Variants in GNG2 observed in about 807,000 individuals in gnomAD.
GNG2 encodes guanine nucleotide-binding protein G(I)/G(S)/G(O) subunit gamma-2.
GNG2 carries 5 observed loss-of-function variants against 5.5 expected under a neutral mutation model. The ratio of observed to expected loss-of-function variants is 0.91; its 90% CI spans 0.48 to 1.92. The LOEUF is 1.92. Among genes scored for constraint, GNG2 ranks in the 30% most tolerant of loss-of-function variants. The probability of loss-of-function intolerance (pLI) is 0.01; values close to 1 mark genes in which losing one functional copy is unlikely to be tolerated. For synonymous variants in GNG2, 28 were observed against 32.0 expected, an observed-to-expected ratio of 0.88 and a Z score of 0.42; for missense variants, 55 against 88.4, an observed-to-expected ratio of 0.62 and a Z score of 1.52.
chr14:51,895,005 A>G (rs753196135), intron 2 of GNG2, among the ~76,000 whole-genome samples: 5 of 151,426 alleles, frequency 3.3e-5, no homozygotes, highest in Non-Finnish European at 5.9e-5. Context: ...CTAATTTTTA[A>G]AAGTTGTAAT....
At chr14:51,954,782 T>A (rs891989125) in intron 3 of GNG2, among the ~76,000 whole-genome samples, 1 of 152,148 alleles carries the variant, frequency 6.6e-6, no homozygotes, top group Non-Finnish European at 1.5e-5. Flanking sequence ...TGGCTGCCCA[T>A]GGTTCCCAGG....
chr14:51,963,123 A>C (rs1046291063), intron 3 of GNG2, among the ~76,000 whole-genome samples: 2 of 152,250 alleles, frequency 1.3e-5, no homozygotes, highest in Admixed American at 6.5e-5. Flanking sequence ...CAATTATTCT[A>C]ATTACTGCTG....
intron 2 of GNG2, among the ~76,000 whole-genome samples, chr14:51,932,194 C>A (rs1887697029): frequency 7.7e-6 from 1 of 129,438 alleles, no homozygotes; most frequent in South Asian, 2.5e-4. Flanking sequence ...TTGCAGTGAG[C>A]CAAGATCACA....
intron 2 of GNG2, among the ~76,000 whole-genome samples, chr14:51,904,898 C>CTT: frequency 1.3e-5 from 2 of 152,336 alleles, no homozygotes; most frequent in East Asian, 3.9e-4. Context: ...GCTACGTCTG[C>CTT]CTGATTGCCC....
At chr14:51,941,605 C>T (rs764142943) in intron 2 of GNG2, among the ~76,000 whole-genome samples, 1 of 152,178 alleles carries the variant, frequency 6.6e-6, no homozygotes, top group Non-Finnish European at 1.5e-5. Context: ...TGGAATCCTC[C>T]ACAATTAACC....
At chr14:51,847,847 T>C (rs1881694405) in intron 2 of GNG2, among the ~76,000 whole-genome samples, 1 of 144,328 alleles carries the variant, frequency 6.9e-6, no homozygotes, top group Admixed American at 7.1e-5. Context: ...GGCCAGGACA[T>C]AGGGATGTTA....
intron 2 of GNG2, among the ~76,000 whole-genome samples, chr14:51,923,942 T>C (rs937286059): frequency 5.9e-5 from 9 of 152,190 alleles, no homozygotes; most frequent in Admixed American, 3.9e-4. Context: ...CTCAGAAAGA[T>C]TCTCTGCTCA....
chr14:51,846,164 C>T (rs145712611), intron 2 of GNG2, among the ~76,000 whole-genome samples: 61 of 152,230 alleles, frequency 4.0e-4, no homozygotes, highest in African/African-American at 1.4e-3. Flanking sequence ...AAAGGAAAAA[C>T]AGATTAATTT....
intron 2 of GNG2, among the ~76,000 whole-genome samples, chr14:51,938,825 C>T (rs1401669769): frequency 6.6e-6 from 1 of 152,202 alleles, no homozygotes; most frequent in Non-Finnish European, 1.5e-5. Flanking sequence ...GGCAAGGAAG[C>T]TCCACCAGGG....
At chr14:51,917,383 G>A (rs1335708638) in intron 2 of GNG2, 1 of 456,108 alleles carries the variant, frequency 2.2e-6, no homozygotes, top group Non-Finnish European at 4.4e-6. Context: ...TTGTCAGACA[G>A]CAACGACATG....
rs11301974 is a variant in GNG2 at position 51,958,439 on chromosome 14, T to TCCC, written c.87+7682_87+7684dup. On this transcript the variant is annotated intron_variant, in intron 3 of 3. Coordinates refer to ENST00000556766, the MANE Select transcript of GNG2 (RefSeq NM_053064.5). ...ATCAGTCTGTCTCTCTCTCTTCCGTTCCCCCCCCCCATTTATATTTCTTTC... is the reference window on the plus strand; with the variant it reads ...ATCAGTCTGTCTCTCTCTCTTCCGTTCCCCCCCCCCCCCATTTATATTTCTTTC... Among the ~76,000 whole-genome samples the TCCC allele has an allele frequency of 2.6e-3, 342 of 132,528 alleles. 1 individual carries two copies. The highest frequency in any genetic ancestry group is 4.6e-3 in the Non-Finnish European group (283 of 61,998). 86.9% of individuals were successfully genotyped at this position (132,528 alleles called of 152,430 possible).
At position 51,834,591 on chromosome 14, in the gene GNG2, A is replaced by G. The variant is rs957026654; in HGVS notation, c.64+6784A>G. 2.0e-5 allele frequency among the ~76,000 whole-genome samples: 3 copies of G among 152,204 alleles called. No homozygotes were observed. In the South Asian group the frequency reaches 6.2e-4, roughly 31 times the overall value. ...ACGCTCCTGTGTTGCGTGGATACCA[A>G]TGCCACTGGGTCCTGGGTAAGGATA... On this transcript the variant is annotated intron_variant, in intron 2 of 3. Coordinates refer to the GNG2 transcript ENST00000553432.
chr14:51,942,258 A>T (rs1223798552), intron 2 of GNG2, among the ~76,000 whole-genome samples: 1 of 152,216 alleles, frequency 6.6e-6, no homozygotes. Flanking sequence ...CAGATTTTTC[A>T]TGATGGCTTT....
chr14:51,826,487 T>A (rs1881032728), intron 1 of GNG2, among the ~76,000 whole-genome samples: 1 of 152,100 alleles, frequency 6.6e-6, no homozygotes, highest in Non-Finnish European at 1.5e-5. Flanking sequence ...TTGGTATTGG[T>A]GGTTGGGAGG....
chr14:51,835,042 T>C (rs571005777), intron 2 of GNG2, among the ~76,000 whole-genome samples: 17 of 152,336 alleles, frequency 1.1e-4, no homozygotes, highest in African/African-American at 4.1e-4. Flanking sequence ...GTGAAGGATG[T>C]AGAATTAGGC....
intron 2 of GNG2, among the ~76,000 whole-genome samples, chr14:51,893,518 T>C (rs548498852): frequency 6.6e-6 from 1 of 152,196 alleles, no homozygotes; most frequent in South Asian, 2.1e-4. Context: ...GCTGCAGTTA[T>C]TTCTTTCCCA....
chr14:51,927,610 C>T (rs1352465614), intron 2 of GNG2, among the ~76,000 whole-genome samples: 5 of 152,186 alleles, frequency 3.3e-5, no homozygotes, highest in Non-Finnish European at 7.3e-5. Context: ...GTGTAAGCTT[C>T]CTAAAAATAG....
At chr14:51,912,746 C>T (rs1361693841) in intron 2 of GNG2, among the ~76,000 whole-genome samples, 1 of 151,934 alleles carries the variant, frequency 6.6e-6, no homozygotes, top group Non-Finnish European at 1.5e-5. Flanking sequence ...GCCAAAGGCC[C>T]CACACAGGTG....
intron 2 of GNG2, among the ~76,000 whole-genome samples, chr14:51,896,987 TGAGTAAAG>T (rs1470344258): frequency 6.6e-6 from 1 of 151,796 alleles, no homozygotes; most frequent in Non-Finnish European, 1.5e-5. Flanking sequence ...AATAATAAAG[TGAGTAAAG>T]GAGGAATAGT....
Sources: gnomAD v4.1 joint callset for allele counts (sites outside exome capture counted in the v4.1 genomes callset) on GRCh38, gnomAD v4.1.1 for gene constraint, MANE v1.5 for transcripts, NCBI Gene and HGNC (gene_info 2026-07-23, HGNC 2026-07-21) for gene names.